The following CERKL variants were observed in gnomAD, a reference collection of about 807,000 sequenced individuals.
CERKL encodes ceramide kinase-like protein.
A neutral mutation model predicts 63.4 loss-of-function variants in CERKL; 61 were observed. That is an observed-to-expected ratio of 0.96 (90% CI 0.78 to 1.19). CERKL has a LOEUF of 1.19. Ranked by LOEUF, CERKL falls within the 50% of genes most tolerant of loss-of-function variation. The pLI is 0.00. For missense variants in CERKL, 675 were observed against 655.5 expected (o/e 1.03, Z -0.33); for synonymous variants, 250 against 230.5 (o/e 1.08, Z -0.77).
intron 1 of CERKL, among the ~76,000 whole-genome samples, chr2:181,638,583 T>C (rs1300063068): frequency 6.6e-6 from 1 of 152,216 alleles, no homozygotes. Flanking sequence ...TCATTGGTCA[T>C]GGTGGATGCT....
chr2:181,549,841 G>A, intron 5 of CERKL, 133 bp from the exon 6 acceptor site: 2 of 710,384 alleles, frequency 2.8e-6, no homozygotes, highest in South Asian at 3.2e-5. Flanking sequence ...AATCAGGAAA[G>A]TTAATGTGAA....
chr2:181,623,449 C>T (rs1244998235), intron 1 of CERKL, among the ~76,000 whole-genome samples: 1 of 152,100 alleles, frequency 6.6e-6, no homozygotes, highest in Non-Finnish European at 1.5e-5. Context: ...GTTAACTATC[C>T]CTAATCAAAT....
chr2:181,576,860 G>T (rs1218141982), intron 2 of CERKL, among the ~76,000 whole-genome samples: 1 of 152,206 alleles, frequency 6.6e-6, no homozygotes, highest in African/African-American at 2.4e-5. Context: ...CAAATGTCTG[G>T]CTGGTAAGGG....
At chr2:181,547,888 C>T (rs370942261) in intron 8 of CERKL, 41 bp from the exon 9 acceptor site, 204 of 1,583,746 alleles carry the variant, frequency 1.3e-4, no homozygotes, top group African/African-American at 8.4e-4. Flanking sequence ...AAACAGATAA[C>T]GCGCGCACAG....
At chr2:181,546,777 T>C (rs1254578843) in intron 10 of CERKL, among the ~76,000 whole-genome samples, 1 of 152,226 alleles carries the variant, frequency 6.6e-6, no homozygotes, top group East Asian at 1.9e-4. Context: ...AGATGTCTCA[T>C]ATTTTATTCA....
chr2:181,618,840 C>T (rs1043979994), intron 1 of CERKL, among the ~76,000 whole-genome samples: 1 of 151,968 alleles, frequency 6.6e-6, no homozygotes, highest in Non-Finnish European at 1.5e-5. Flanking sequence ...AAAAGGGTTC[C>T]AAGACCAAAA....
At chr2:181,644,457 T>C (rs3910660) in intron 1 of CERKL, among the ~76,000 whole-genome samples, 42,515 of 152,198 alleles carry the variant, frequency 0.28, 6,984 homozygotes, top group Non-Finnish European at 0.38. Context: ...GGCACCACTG[T>C]AGTCAATGAA....
At chr2:181,623,356 C>A (rs577977285) in intron 1 of CERKL, among the ~76,000 whole-genome samples, 81 of 152,056 alleles carry the variant, frequency 5.3e-4, no homozygotes, top group Non-Finnish European at 9.1e-4. Context: ...CTACCAGGAA[C>A]TAAAATGGAT....
At chr2:181,548,277 G>A (rs1687822314) in intron 8 of CERKL, 2 of 529,886 alleles carry the variant, frequency 3.8e-6, no homozygotes, top group Non-Finnish European at 6.6e-6. Context: ...CAAAGGAAAG[G>A]AAAGAAAGGG....
intron 1 of CERKL, among the ~76,000 whole-genome samples, chr2:181,654,836 G>C (rs1007743274): frequency 1.3e-5 from 2 of 152,152 alleles, no homozygotes; most frequent in African/African-American, 4.8e-5. Context: ...CCAGGCTGGA[G>C]TGCAGTGGTG....
At position 181,547,636 on chromosome 2, in the gene CERKL, C is replaced by T; in HGVS notation, c.1250G>A (p.Gly417Asp). 6.2e-7 allele frequency: 1 copy of T among 1,613,874 alleles called. No individual in the cohort carries two copies. The highest frequency in any genetic ancestry group is 1.1e-5 in the South Asian group (1 of 91,072). Residue 417 changes from glycine to aspartate, a missense_variant, in exon 10 of 13, where the codon GGC becomes GAC. Coordinates refer to ENST00000410087, the MANE Select transcript of CERKL (RefSeq NM_201548.5). The part of the protein sequence containing the change: ...IPCLCSVAPR[G>D]LAPNTRLNNG... ...TACTAACCTGGTATTAGGTGCCAAG[C>T]CTCTAGGTGCCACTGAACACAGGCA...
intron 1 of CERKL, among the ~76,000 whole-genome samples, chr2:181,610,553 ATGAG>A (rs1350126560): frequency 6.6e-6 from 1 of 152,240 alleles, no homozygotes; most frequent in African/African-American, 2.4e-5. Flanking sequence ...CAGCTCATAA[ATGAG>A]TAAGTGAAAT....
intron 1 of CERKL, among the ~76,000 whole-genome samples, chr2:181,626,493 C>T (rs992029378): frequency 9.9e-5 from 15 of 152,174 alleles, no homozygotes; most frequent in African/African-American, 1.9e-4. Context: ...GGGTCAACCA[C>T]AGCTCCCCAG....
At chr2:181,570,064 C>T (rs945232667) in intron 3 of CERKL, among the ~76,000 whole-genome samples, 1 of 151,894 alleles carries the variant, frequency 6.6e-6, no homozygotes, top group South Asian at 2.1e-4. Context: ...AATATTGAGC[C>T]AATATGCATA....
intron 1 of CERKL, among the ~76,000 whole-genome samples, chr2:181,645,463 C>G (rs913636690): frequency 6.6e-6 from 1 of 152,260 alleles, no homozygotes; most frequent in Non-Finnish European, 1.5e-5. Flanking sequence ...GCCCTGTTCA[C>G]TGGGAGGCCA....
intron 5 of CERKL, among the ~76,000 whole-genome samples, chr2:181,551,376 G>A (rs529014538): frequency 1.3e-5 from 2 of 152,016 alleles, no homozygotes; most frequent in East Asian, 3.9e-4. Context: ...GAGTGAACAG[G>A]CAACCTACAG....
intron 3 of CERKL, among the ~76,000 whole-genome samples, chr2:181,571,818 A>T (rs968733174): frequency 3.3e-5 from 5 of 152,158 alleles, no homozygotes; most frequent in Non-Finnish European, 7.4e-5. Flanking sequence ...TAAATAAATG[A>T]TTATTCCAGA....
At chr2:181,563,065 C>G (rs77555152) in intron 4 of CERKL, among the ~76,000 whole-genome samples, 11 of 152,040 alleles carry the variant, frequency 7.2e-5, no homozygotes, top group Non-Finnish European at 1.2e-4. Context: ...ATTTTTAAAA[C>G]TATACTCACA....
At chr2:181,636,311 C>T (rs533741768) in intron 1 of CERKL, among the ~76,000 whole-genome samples, 2 of 152,240 alleles carry the variant, frequency 1.3e-5, no homozygotes, top group East Asian at 3.9e-4. Context: ...GCCTCACATC[C>T]CCCAAATTTT....
Sources: allele counts gnomAD v4.1 joint callset (sites outside exome capture counted in the v4.1 genomes callset), GRCh38; gene constraint gnomAD v4.1.1; transcripts MANE v1.5; gene names NCBI Gene and HGNC (gene_info 2026-07-23, HGNC 2026-07-21).